SMARCA2: variants seen among roughly 807,000 people sequenced by gnomAD.
The protein encoded by SMARCA2 is SWI/SNF related BAF chromatin remodeling complex subunit ATPase 2.
SMARCA2 carries 61 observed loss-of-function variants against 199.8 expected under a neutral mutation model. That is an observed-to-expected ratio of 0.31 (90% CI 0.25 to 0.38). SMARCA2 has a LOEUF of 0.38. Ranked by LOEUF, SMARCA2 falls within the 10% of genes least tolerant of loss-of-function variation. The probability of loss-of-function intolerance (pLI) is 1.00; values close to 1 mark genes in which losing one functional copy is unlikely to be tolerated. For synonymous variants in SMARCA2, 935 were observed against 732.0 expected, an observed-to-expected ratio of 1.28 and a Z score of -4.48; for missense variants, 1,344 against 2,012.2, an observed-to-expected ratio of 0.67 and a Z score of 6.35.
intron 29 of SMARCA2, among the ~76,000 whole-genome samples, chr9:2,175,252 C>T (rs923900917): frequency 2.0e-5 from 3 of 152,104 alleles, no homozygotes; most frequent in Non-Finnish European, 4.4e-5. Context: ...TTTCCGAAAG[C>T]TGAGTGATAG....
At chr9:2,136,506 T>C (rs1824204191) in intron 27 of SMARCA2, among the ~76,000 whole-genome samples, 1 of 152,214 alleles carries the variant, frequency 6.6e-6, no homozygotes, top group African/African-American at 2.4e-5. Context: ...CTTTCTCATC[T>C]TACATAAATG....
chr9:2,115,763 G>C lies in SMARCA2; in HGVS notation c.3457-59G>C. The C allele has an allele frequency of 7.2e-7, 1 of 1,390,728 alleles. No individual in the cohort carries two copies. The highest frequency in any genetic ancestry group is 1.0e-6 in the Non-Finnish European group (1 of 989,476). The allele number at this position is 1,390,728 out of a possible 1,614,324, so 86.1% of individuals were successfully genotyped here. ...CATATTTCCCTCTGGGGTGGGGTCC[G>C]GTTTTGGATGCCTATGCCAGGCATC... On this transcript the variant is annotated intron_variant, in intron 24 of 33. Transcript: ENST00000349721. The surrounding 1 kb of genome is among the most constrained non-coding windows in gnomAD (Gnocchi z 6.0).
intron 28 of SMARCA2, among the ~76,000 whole-genome samples, chr9:2,167,368 C>T (rs573909391): frequency 6.6e-6 from 1 of 152,268 alleles, no homozygotes; most frequent in Non-Finnish European, 1.5e-5. Context: ...CACCTCCTCC[C>T]TCTCTATCAA....
At chr9:2,167,115 G>C (rs117515731) in intron 28 of SMARCA2, among the ~76,000 whole-genome samples, 7 of 152,168 alleles carry the variant, frequency 4.6e-5, no homozygotes, top group Non-Finnish European at 7.4e-5. Context: ...CTAGTGTTCT[G>C]ATTCCATTTT....
intron 1 of SMARCA2, chr9:2,015,953 GA>G (rs992134799): frequency 2.3e-4 from 35 of 152,526 alleles, no homozygotes; most frequent in African/African-American, 7.7e-4. Flanking sequence ...ACCCTCCCCG[GA>G]AGAGTTGGAA....
chr9:2,111,059 T>A (rs1011899895), intron 24 of SMARCA2, among the ~76,000 whole-genome samples: 9 of 151,838 alleles, frequency 5.9e-5, no homozygotes, highest in South Asian at 2.1e-4. Flanking sequence ...TTTTTTTTTT[T>A]AAATTGAGCG....
intron 16 of SMARCA2, 52 bp downstream of exon 16, chr9:2,083,465 T>C (rs769647395): frequency 8.7e-7 from 1 of 1,150,290 alleles, no homozygotes; most frequent in East Asian, 2.4e-5. Flanking sequence ...AAATAGACCC[T>C]ATTTTCTTCA....
At chr9:2,053,605 G>A (rs1327440447) in intron 5 of SMARCA2, among the ~76,000 whole-genome samples, 1 of 152,108 alleles carries the variant, frequency 6.6e-6, no homozygotes, top group African/African-American at 2.4e-5. Context: ...TACATTAAAG[G>A]CACTTAGTGC....
At chr9:2,082,782 G>A (rs1225280382) in intron 15 of SMARCA2, among the ~76,000 whole-genome samples, 1 of 152,196 alleles carries the variant, frequency 6.6e-6, no homozygotes, top group Non-Finnish European at 1.5e-5. Flanking sequence ...TTTTTCTAAT[G>A]AAGACTATTT....
intron 22 of SMARCA2, among the ~76,000 whole-genome samples, chr9:2,102,132 AGTGTGTGTGT>A (rs71327397): frequency 0.1 from 15,160 of 148,068 alleles, 836 homozygotes; most frequent in Admixed American, 0.14. Flanking sequence ...ATTAACAGAA[AGTGTGTGTGT>A]GTGTGTGTGT....
At chr9:2,181,404 G>C (rs1490123034) in intron 29 of SMARCA2, 167 bp from the exon 30 acceptor site, 4 of 555,090 alleles carry the variant, frequency 7.2e-6, no homozygotes, top group African/African-American at 5.8e-5. Flanking sequence ...TATCACAAGG[G>C]ACATCAATCT....
In SMARCA2 at chr9:2,110,088, A is replaced by C. The variant is rs1185243773; in HGVS notation, c.3293-166A>C. ...TTCTTTCTTTTTTTTTGTAATTGCA[A>C]AATGTTCAAAGTTTTTTATCCAGAA... On this transcript the variant is annotated intron_variant, in intron 23 of 33. Transcript: ENST00000349721. This position sits in a 1 kb window ranked among gnomAD's most constrained non-coding sequence, Gnocchi z 4.8. 2.0e-5 allele frequency among the ~76,000 whole-genome samples: 3 copies of C among 152,164 alleles called. No homozygotes were observed. The highest frequency in any genetic ancestry group is 4.4e-5 in the Non-Finnish European group (3 of 68,040).
chr9:2,019,849 T>G (rs1368517529), intron 1 of SMARCA2, among the ~76,000 whole-genome samples: 2 of 152,082 alleles, frequency 1.3e-5, no homozygotes, highest in African/African-American at 4.8e-5. Context: ...AATCTTCCTT[T>G]GTAAACAAGG....
intron 27 of SMARCA2, among the ~76,000 whole-genome samples, chr9:2,127,313 T>C (rs759007260): frequency 6.6e-5 from 10 of 152,172 alleles, no homozygotes; most frequent in Non-Finnish European, 1.3e-4. Context: ...AGTTGCCAAA[T>C]TAAAGTAGCA....
intron 27 of SMARCA2, among the ~76,000 whole-genome samples, chr9:2,126,873 T>C (rs1025431841): frequency 6.6e-6 from 1 of 152,268 alleles, no homozygotes; most frequent in Non-Finnish European, 1.5e-5. Context: ...TGGTCAGCTC[T>C]GATTAATAGT....
rs1277259751 is a variant in SMARCA2 at position 2,184,358 on chromosome 9, T to TTG, written c.4462-1737_4462-1736insGT. On this transcript the variant is annotated intron_variant, in intron 31 of 33. Coordinates refer to ENST00000349721, the MANE Select transcript of SMARCA2 (RefSeq NM_003070.5). ...TGCAAAACATAGGATAATATCTTTT[T>TTG]TTTTTTTTTTTTGAGATGGAGTCTC... Among the ~76,000 whole-genome samples, 3 of 149,778 alleles carry TTG rather than the reference T, an allele frequency of 2.0e-5. No homozygotes were observed. In the East Asian group the frequency reaches 5.9e-4, roughly 29 times the overall value.
chr9:2,132,428 T>G (rs965506143), intron 27 of SMARCA2, among the ~76,000 whole-genome samples: 1 of 152,160 alleles, frequency 6.6e-6, no homozygotes, highest in Non-Finnish European at 1.5e-5. Flanking sequence ...CCTAAAATAT[T>G]TTATTTTACA....
chr9:2,146,083 T>C (rs1824728383), intron 27 of SMARCA2, among the ~76,000 whole-genome samples: 1 of 152,158 alleles, frequency 6.6e-6, no homozygotes, highest in Non-Finnish European at 1.5e-5. Context: ...ATACCATAGA[T>C]TGGTTTATAA....
intron 27 of SMARCA2, among the ~76,000 whole-genome samples, chr9:2,129,214 C>G (rs1319517281): frequency 6.6e-6 from 1 of 152,070 alleles, no homozygotes; most frequent in East Asian, 1.9e-4. Context: ...GTCAGGAGAT[C>G]GAGACCATCC....
Sources: allele counts gnomAD v4.1 joint callset (sites outside exome capture counted in the v4.1 genomes callset), GRCh38; gene constraint gnomAD v4.1.1; non-coding constraint Gnocchi (gnomAD v3.1); transcripts MANE v1.5; gene names NCBI Gene and HGNC (gene_info 2026-07-23, HGNC 2026-07-21).